Variants in GBA2 observed in about 807,000 individuals in gnomAD.
GBA2 encodes the protein non-lysosomal glucosylceramidase.
Under a neutral mutation model 112.9 loss-of-function variants are expected in GBA2, and 79 were observed. The ratio of observed to expected loss-of-function variants is 0.70; its 90% CI spans 0.58 to 0.84. GBA2 has a LOEUF of 0.84. Ranked by LOEUF, GBA2 falls within the 40% of genes least tolerant of loss-of-function variation. The pLI is 0.00. For synonymous variants in GBA2, 403 were observed against 434.3 expected (o/e 0.93, Z 0.90); for missense variants, 1,043 against 1,190.0 (o/e 0.88, Z 1.82).
intron 3 of GBA2, among the ~76,000 whole-genome samples, chr9:35,743,787 G>C (rs921106011): frequency 2.6e-5 from 4 of 152,280 alleles, no homozygotes; most frequent in South Asian, 4.2e-4. Flanking sequence ...TCTAAGCCTG[G>C]GAGAGAAGGA....
intron 11 of GBA2, 49 bp from the exon 12 acceptor site, chr9:35,738,952 G>C: frequency 6.2e-7 from 1 of 1,610,272 alleles, no homozygotes; most frequent in Middle Eastern, 1.7e-4. Context: ...GGATAGGGTA[G>C]AGGGTGCAAA....
chr9:35,736,904 C>A lies in GBA2; in HGVS notation c.*265G>T, dbSNP rs1212108144. ...CTTTTATTTGTACCCATGTGTCTGT[C>A]ACACCATGAATGTACCTGGGGAAAT... is the stretch of plus-strand genomic sequence containing the variant. On this transcript the variant is annotated 3_prime_UTR_variant, in exon 17 of 17. Transcript: ENST00000378103. The A allele has an allele frequency of 6.8e-6, 5 of 733,344 alleles. No individual in the cohort carries two copies. Among genetic ancestry groups the A allele is most frequent in the Non-Finnish European group, 1.1e-5 (5 of 456,004 alleles). The allele number at this position is 733,344 out of a possible 1,614,324, so 45.4% of individuals were successfully genotyped here.
rs1826246752 is a variant in GBA2 at position 35,737,023 on chromosome 9, C to T, written c.*146G>A. 14 of 1,276,650 alleles carry T rather than the reference C, an allele frequency of 1.1e-5. No individual in the cohort carries two copies. The South Asian group carries it at 1.9e-4, about 18-fold the overall frequency. The allele number at this position is 1,276,650 out of a possible 1,614,324, so 79.1% of individuals were successfully genotyped here. A position where few individuals can be genotyped will look rare whatever the true frequency, so the allele number is the denominator to read the frequency against. Reference sequence around the variant, plus strand: ...AATGCTGCCTAGGTCACCCTCAACCCCCATTTACTGGCACAATTGGGTGGA... The same window carrying T: ...AATGCTGCCTAGGTCACCCTCAACCTCCATTTACTGGCACAATTGGGTGGA... On this transcript the variant is annotated 3_prime_UTR_variant, in exon 17 of 17. Transcript: ENST00000378103. This position sits in a 1 kb window ranked among gnomAD's most constrained non-coding sequence, Gnocchi z 4.1.
rs968504163 is a variant in GBA2, at chr9:35,741,546, C to T, written c.786+126G>A. ...ATCTCCTGATCTCATGATCCGCCTGCCTTGGCCTCCCAAAGTGTTGGGATT... is the reference window on the plus strand; with the variant it reads ...ATCTCCTGATCTCATGATCCGCCTGTCTTGGCCTCCCAAAGTGTTGGGATT... On this transcript the variant is annotated intron_variant, in intron 4 of 16. Coordinates refer to ENST00000378103, the MANE Select transcript of GBA2 (RefSeq NM_020944.3). This position sits in a 1 kb window ranked among gnomAD's most constrained non-coding sequence, Gnocchi z 4.6. The T allele has an allele frequency of 4.0e-6, 3 of 742,548 alleles. No homozygotes were observed. Among genetic ancestry groups the T allele is most frequent in the Non-Finnish European group, 7.5e-6 (3 of 401,422 alleles). The allele number at this position is 742,548 out of a possible 1,614,324, so 46.0% of individuals were successfully genotyped here. A position where few individuals can be genotyped will look rare whatever the true frequency, so the allele number is the denominator to read the frequency against.
chr9:35,737,679 T>C lies in GBA2; in HGVS notation c.2505+69A>G, dbSNP rs771403054. The C allele has an allele frequency of 2.5e-6, 4 of 1,612,442 alleles. No homozygotes were observed. Among genetic ancestry groups the C allele is most frequent in the Non-Finnish European group, 2.5e-6 (3 of 1,178,694 alleles). ...GGCATTGGGTTATGCCTTGAAGAAA[T>C]TTGGTGGTTGAGGAAGTTTTCTGGG... is the stretch of plus-strand genomic sequence containing the variant. On this transcript the variant is annotated intron_variant, in intron 16 of 16. Transcript: ENST00000378103. The surrounding 1 kb of genome is among the most constrained non-coding windows in gnomAD (Gnocchi z 4.1).
In GBA2 at chr9:35,748,790, TA is replaced by T; in HGVS notation, c.-87del. On this transcript the variant is annotated 5_prime_UTR_variant, in exon 1 of 17. An upstream open reading frame in the 5' UTR loses its in-frame stop. Coordinates refer to ENST00000378103, the MANE Select transcript of GBA2 (RefSeq NM_020944.3). ...GATGCGGGCGCCGGTCGTTGTTAGG[TA>T]TCGTCCCGGAGGGCCGGGCGTTGGG... The T allele has an allele frequency of 1.2e-6, 1 of 828,946 alleles. No individual in the cohort carries two copies. Among genetic ancestry groups the T allele is most frequent in the Admixed American group, 2.4e-5 (1 of 41,976 alleles). 51.3% of individuals were successfully genotyped at this position (828,946 alleles called of 1,614,324 possible). A position where few individuals can be genotyped will look rare whatever the true frequency, so the allele number is the denominator to read the frequency against.
In GBA2 at chr9:35,740,945, T is replaced by C. The variant is rs951734621; in HGVS notation, c.906A>G (p.Pro302=). ...RNGLGGGDDA[P]GGLWNEPFCL... ...AGAAGGGCTCATTCCACAAACCCCC[T>C]GGGGCATCGTCTCCACCACCCAGTC... The change falls in exon 5 of 17, where the codon CCA becomes CCG. Residue 302 remains proline, a synonymous_variant. Transcript: ENST00000378103. The surrounding 1 kb of genome is among the most constrained non-coding windows in gnomAD (Gnocchi z 4.7). 1.9e-6 allele frequency: 3 copies of C among 1,614,148 alleles called. No individual in the cohort carries two copies. The highest frequency in any genetic ancestry group is 2.5e-6 in the Non-Finnish European group (3 of 1,180,004).
rs1563960433 is a variant in GBA2 at position 35,740,044 on chromosome 9, ACT to A, written c.1361_1362del (p.Glu454ValfsTer15). ...TGCCAAGCTGAGATCCTCTCTTCCC[ACT>A]CTGCGTATCGGCACAGTGCATAGTG... Reference protein sequence around the residue: ...LSHYALCRYAEWEERISAWQS... With the variant: ...LSHYALCRYAXWEERISAWQS... On this transcript the variant is annotated frameshift_variant, in exon 8 of 17. Coordinates refer to ENST00000378103, the MANE Select transcript of GBA2 (RefSeq NM_020944.3). LOFTEE classifies it high-confidence loss of function. The surrounding 1 kb of genome is among the most constrained non-coding windows in gnomAD (Gnocchi z 4.7). 9 of 1,613,724 alleles carry A rather than the reference ACT, an allele frequency of 5.6e-6. No individual in the cohort carries two copies. The highest frequency in any genetic ancestry group is 7.6e-6 in the Non-Finnish European group (9 of 1,179,934).
In GBA2 at chr9:35,739,084, C is replaced by T. The variant is rs1159243482; in HGVS notation, c.1713G>A (p.Leu571=). The change falls in exon 11 of 17, where the codon CTG becomes CTA. Residue 571 remains leucine (L), a synonymous_variant. Transcript: ENST00000378103. The part of the protein sequence containing the change: ...DMALATLRED[L]TRRRYLMSGV... ...CACTCATCAGGTACCGTCGCCGTGT[C>T]AGGTCCTCCCTGAGAGTGGCCAGAG... The T allele has an allele frequency of 4.4e-6, 7 of 1,607,626 alleles. No homozygotes were observed. In the African/African-American group the frequency reaches 9.6e-5, roughly 22 times the overall value.
At chr9:35,739,486 T>A in intron 9 of GBA2, 67 bp from the exon 10 acceptor site, 1 of 1,334,756 alleles carries the variant, frequency 7.5e-7, no homozygotes, top group Non-Finnish European at 1.1e-6. Flanking sequence ...CTCTGTAGCT[T>A]GTCCTCTAGA....
intron 3 of GBA2, chr9:35,742,122 T>G (rs1826727552): frequency 1.7e-6 from 1 of 576,160 alleles, no homozygotes. Flanking sequence ...GCACCTCACT[T>G]AAGCCCAATC....
At chr9:35,744,556 T>G (rs1459082869) in intron 2 of GBA2, 59 bp downstream of exon 2, 1 of 1,148,224 alleles carries the variant, frequency 8.7e-7, no homozygotes, top group African/African-American at 1.5e-5. Flanking sequence ...TCTTCCTAAC[T>G]GTGGTAGACC....
chr9:35,738,064 G>A lies in GBA2; in HGVS notation c.2286C>T (p.Ala762=), dbSNP rs1245022245. The change falls in exon 15 of 17, where the codon GCC becomes GCT. Residue 762 remains alanine (A), a synonymous_variant. Transcript: ENST00000378103. ...DQCAGQWFLK[A]CGLGEGDTEV... ...CAGTGTCTCCTTCTCCTAGGCCACA[G>A]GCCTTCAGGAACCACTGTCCAGCAC... 1.9e-6 allele frequency: 3 copies of A among 1,612,286 alleles called. No individual in the cohort carries two copies. The highest frequency in any genetic ancestry group is 2.5e-6 in the Non-Finnish European group (3 of 1,178,710).
intron 10 of GBA2, 90 bp downstream of exon 10, chr9:35,739,225 G>T: frequency 9.5e-7 from 1 of 1,055,814 alleles, no homozygotes; most frequent in Non-Finnish European, 1.5e-6. Flanking sequence ...CGTATGAAGG[G>T]AAGGGAAAGA....
Position 35,738,603 on chromosome 9 carries a change from G to C in GBA2, c.1977C>G (p.Asp659Glu). 6.2e-7 allele frequency: 1 copy of C among 1,613,778 alleles called. No homozygotes were observed. Among genetic ancestry groups the C allele is most frequent in the African/African-American group, 1.3e-5 (1 of 75,028 alleles). ...LAVMESEMKF[D>E]KDHDGLIENG... ...TTTCAATGAGTCCATCATGGTCCTT[G>C]TCAAACTTCATTTCAGATTCCATCA... Residue 659 changes from aspartate (D) to glutamate (E), a missense_variant, in exon 13 of 17, where the codon GAC (aspartate) becomes GAG (glutamate). Transcript: ENST00000378103.
In GBA2 at chr9:35,740,154, G is replaced by C. The variant is rs760490497; in HGVS notation, c.1284-31C>G. The C allele has an allele frequency of 6.2e-7, 1 of 1,613,918 alleles. No homozygotes were observed. The highest frequency in any genetic ancestry group is 2.2e-5 in the East Asian group (1 of 44,894). ...GTGGGAAGGGGAAGGATGAACACAA[G>C]CCCCAGGTCAGAGCCCCAGCACTCT... On this transcript the variant is annotated intron_variant, in intron 7 of 16. Coordinates refer to ENST00000378103, the MANE Select transcript of GBA2 (RefSeq NM_020944.3). This position sits in a 1 kb window ranked among gnomAD's most constrained non-coding sequence, Gnocchi z 4.7.
chr9:35,738,963 A>C, intron 11 of GBA2, 39 bp downstream of exon 11: 1 of 1,608,330 alleles, frequency 6.2e-7, no homozygotes, highest in Non-Finnish European at 8.5e-7. Flanking sequence ...AGGGTGCAAA[A>C]GTTGAGGGAG....
chr9:35,737,566 G>C lies in GBA2; in HGVS notation c.2506-119C>G, dbSNP rs765128363. 1 of 1,555,886 alleles carries C rather than the reference G, an allele frequency of 6.4e-7. No individual in the cohort carries two copies. The highest frequency in any genetic ancestry group is 1.2e-5 in the South Asian group (1 of 85,246). ...CAAGGAGCTCCCAGCAAGTGGAGGA[G>C]ATAACTATGACCCACAGACAGAAGC... On this transcript the variant is annotated intron_variant, in intron 16 of 16. Transcript: ENST00000378103. This position sits in a 1 kb window ranked among gnomAD's most constrained non-coding sequence, Gnocchi z 4.1.
Position 35,740,375 on chromosome 9 carries a change from C to A in GBA2, c.1130-13G>T. 6.2e-7 allele frequency: 1 copy of A among 1,611,486 alleles called. No individual in the cohort carries two copies. Among genetic ancestry groups the A allele is most frequent in the Non-Finnish European group, 8.5e-7 (1 of 1,179,486 alleles). ...GGGGTGCTTTGGCCTGAGAGAAACACAAGAGAATTCAGGACAGGAGCCCCT... is the reference window on the plus strand; with the variant it reads ...GGGGTGCTTTGGCCTGAGAGAAACAAAAGAGAATTCAGGACAGGAGCCCCT... On this transcript the variant is annotated splice_polypyrimidine_tract_variant and intron_variant, in intron 6 of 16. Transcript: ENST00000378103. This position sits in a 1 kb window ranked among gnomAD's most constrained non-coding sequence, Gnocchi z 4.7.
Sources: gnomAD v4.1 joint callset for allele counts (sites outside exome capture counted in the v4.1 genomes callset) on GRCh38, gnomAD v4.1.1 for gene constraint, Gnocchi (gnomAD v3.1) non-coding constraint, MANE v1.5 for transcripts, NCBI Gene and HGNC (gene_info 2026-07-23, HGNC 2026-07-21) for gene names.